The following NDUFS1 variants were observed in gnomAD, a reference collection of about 807,000 sequenced individuals.
NDUFS1 encodes the protein NADH:ubiquinone oxidoreductase core subunit S1.
Under a neutral mutation model 84.4 loss-of-function variants are expected in NDUFS1, and 61 were observed. The observed-to-expected ratio is 0.72, with a 90% CI of 0.59 to 0.89. The LOEUF (loss-of-function observed/expected upper bound fraction) is 0.89. Ranked by LOEUF, NDUFS1 falls within the 40% of genes least tolerant of loss-of-function variation. NDUFS1 has a pLI of 0.00. For missense variants in NDUFS1, 891 were observed against 890.0 expected (o/e 1.00, Z -0.01); for synonymous variants, 275 against 290.0 (o/e 0.95, Z 0.53).
At chr2:206,125,539 A>G in intron 18 of NDUFS1, among the ~76,000 whole-genome samples, 1 of 152,030 alleles carries the variant, frequency 6.6e-6, no homozygotes, top group African/African-American at 2.4e-5. Context: ...ATAGTTAATT[A>G]ATATAATATA....
At position 206,149,931 on chromosome 2, in the gene NDUFS1, A is replaced by G; in HGVS notation, c.154-6T>C. 2.0e-6 allele frequency: 2 copies of G among 1,006,196 alleles called. No homozygotes were observed. Among genetic ancestry groups the G allele is most frequent in the Non-Finnish European group, 2.9e-6 (2 of 686,000 alleles). The allele number at this position is 1,006,196 out of a possible 1,614,324, so 62.3% of individuals were successfully genotyped here. A position where few individuals can be genotyped will look rare whatever the true frequency, so the allele number is the denominator to read the frequency against. ...ATGCCAACCTTCTCACAAGCCTAGA[A>G]GTAAAAAAAAAAAAAAAAAAAAAAA... On this transcript the variant is annotated splice_region_variant and splice_polypyrimidine_tract_variant and intron_variant, in intron 3 of 18. Coordinates refer to ENST00000233190, the MANE Select transcript of NDUFS1 (RefSeq NM_005006.7).
In NDUFS1 at chr2:206,127,956, A is replaced by G; in HGVS notation, c.1725T>C (p.Val575=). The part of the protein sequence containing the change: ...FIIYQGHHGD[V]GAPIADVILP... ...GAATAACATCAGCTATGGGAGCCCC[A>G]ACATCACCATGATGTCCTGCACAAA... The change falls in exon 16 of 19, where the codon GTT becomes GTC. Residue 575 remains valine, a synonymous_variant. Transcript: ENST00000233190. The G allele has an allele frequency of 6.2e-7, 1 of 1,614,148 alleles. No individual in the cohort carries two copies. The highest frequency in any genetic ancestry group is 8.5e-7 in the Non-Finnish European group (1 of 1,180,010).
chr2:206,151,739 T>C (rs1458833920), intron 3 of NDUFS1, among the ~76,000 whole-genome samples: 2 of 152,252 alleles, frequency 1.3e-5, no homozygotes, highest in African/African-American at 2.4e-5. Flanking sequence ...TTGTAGGATA[T>C]ATTCCTATGA....
At chr2:206,154,196 T>TG (rs1172218389) in intron 1 of NDUFS1, among the ~76,000 whole-genome samples, 3 of 152,268 alleles carry the variant, frequency 2.0e-5, no homozygotes, top group African/African-American at 7.2e-5. Context: ...CTGGTACACT[T>TG]ATCTTACAGA....
intron 14 of NDUFS1, among the ~76,000 whole-genome samples, 171 bp downstream of exon 14, chr2:206,132,774 T>TTA (rs1691562007): frequency 6.6e-6 from 1 of 152,218 alleles, no homozygotes. Context: ...TAAATATTCC[T>TTA]TATCATCTCG....
intron 18 of NDUFS1, among the ~76,000 whole-genome samples, chr2:206,124,938 T>C (rs1203568816): frequency 6.6e-6 from 1 of 152,144 alleles, no homozygotes; most frequent in Non-Finnish European, 1.5e-5. Context: ...CATTGAATTG[T>C]CCACTTCATG....
rs367723817 is a variant in NDUFS1, at chr2:206,140,943, T to TATATATATATATACACACACACAC, written c.1262+997_1262+998insGTGTGTGTGTGTATATATATATAT. On this transcript the variant is annotated intron_variant, in intron 12 of 18. Coordinates refer to ENST00000233190, the MANE Select transcript of NDUFS1 (RefSeq NM_005006.7). The stretch of plus-strand genomic sequence containing the variant: ...GTGTGTATATATATATATATATATA[T>TATATATATATATACACACACACAC]ACACACACACTGAGAATCATAATAC... Among the ~76,000 whole-genome samples the TATATATATATATACACACACACAC allele has an allele frequency of 3.0e-4, 41 of 136,136 alleles. 1 individual carries two copies. The highest frequency in any genetic ancestry group is 7.0e-4 in the Admixed American group (9 of 12,942). The allele number at this position is 136,136 out of a possible 152,430, so 89.3% of individuals were successfully genotyped here. A position where few individuals can be genotyped will look rare whatever the true frequency, so the allele number is the denominator to read the frequency against.
At chr2:206,158,423 T>C (rs899907616) in intron 1 of NDUFS1, among the ~76,000 whole-genome samples, 12 of 152,326 alleles carry the variant, frequency 7.9e-5, no homozygotes, top group Non-Finnish European at 1.0e-4. Context: ...GACCAGGCTA[T>C]CTAACATTTA....
intron 13 of NDUFS1, among the ~76,000 whole-genome samples, chr2:206,137,623 G>A (rs908692570): frequency 6.6e-6 from 1 of 152,142 alleles, no homozygotes. Flanking sequence ...TTCACATCCT[G>A]ACAAGCTGTC....
chr2:206,142,755 T>C lies in NDUFS1; in HGVS notation c.1064A>G (p.Lys355Arg), dbSNP rs1476070337. ...AGAGTCCACTCTATTAAGCAAATCTTTGAGAGCTACCAGGGCTTCAGCATC... is the reference window on the plus strand; with the variant it reads ...AGAGTCCACTCTATTAAGCAAATCTCTGAGAGCTACCAGGGCTTCAGCATC... Reference protein sequence around the residue: ...LVDAEALVALKDLLNRVDSDT... With the variant: ...LVDAEALVALRDLLNRVDSDT... Residue 355 changes from lysine (K) to arginine (R), a missense_variant, in exon 11 of 19, where the codon AAA (lysine) becomes AGA (arginine). Physicochemically the swap from Lys to Arg is conservative, Grantham distance 26. Coordinates refer to ENST00000233190, the MANE Select transcript of NDUFS1 (RefSeq NM_005006.7). 2 of 1,614,192 alleles carry C rather than the reference T, an allele frequency of 1.2e-6. No homozygotes were observed. Among genetic ancestry groups the C allele is most frequent in the Admixed American group, 3.3e-5 (2 of 60,012 alleles).
Position 206,142,078 on chromosome 2 carries a change from A to G in NDUFS1, c.1134-9T>C. ...TGGAACGCAAATCTGTGCTAGAAAT[A>G]CAATATATAAAATGCAAATTTACTT... is the stretch of plus-strand genomic sequence containing the variant. On this transcript the variant is annotated splice_polypyrimidine_tract_variant and intron_variant, in intron 11 of 18. Transcript: ENST00000233190. 10 of 1,579,118 alleles carry G rather than the reference A, an allele frequency of 6.3e-6. No homozygotes were observed. The highest frequency in any genetic ancestry group is 8.7e-6 in the Non-Finnish European group (10 of 1,148,408).
rs1307087036 is a variant in NDUFS1 at position 206,126,523 on chromosome 2, G to T, written c.2092+16C>A. Reference sequence around the variant, plus strand: ...TACCTTTCGTATTTGGCAGAGTCATGTTGACAATTACATACCTGTCATGTA... The same window carrying T: ...TACCTTTCGTATTTGGCAGAGTCATTTTGACAATTACATACCTGTCATGTA... On this transcript the variant is annotated intron_variant, in intron 18 of 18. Coordinates refer to ENST00000233190, the MANE Select transcript of NDUFS1 (RefSeq NM_005006.7). 1.2e-6 allele frequency: 2 copies of T among 1,612,214 alleles called. No individual in the cohort carries two copies. Among genetic ancestry groups the T allele is most frequent in the African/African-American group, 2.7e-5 (2 of 74,902 alleles).
chr2:206,125,032 G>C (rs183935620), intron 18 of NDUFS1, among the ~76,000 whole-genome samples: 1 of 150,580 alleles, frequency 6.6e-6, no homozygotes, highest in Non-Finnish European at 1.5e-5. Context: ...TTTTTAAAGA[G>C]ACCAGATCTG....
intron 7 of NDUFS1, 128 bp from the exon 8 acceptor site, chr2:206,147,216 A>T (rs935761101): frequency 3.2e-6 from 3 of 949,950 alleles, no homozygotes; most frequent in Non-Finnish European, 5.0e-6. Flanking sequence ...AGGTGAGCAC[A>T]GTCCTAGAAT....
chr2:206,144,953 T>C lies in NDUFS1; in HGVS notation c.811A>G (p.Met271Val). Residue 271 changes from methionine to valine, a missense_variant, in exon 9 of 19, where the codon ATG (methionine) becomes GTG (valine). Transcript: ENST00000233190. ...IVVSTRTGEV[M>V]RILPRMHEDI... ...TCATGCATACGTGGCAAAATCCTCA[T>C]CACTTCTCCAGTTCTTGTGCTAACC... 6.2e-7 allele frequency: 1 copy of C among 1,614,096 alleles called. No homozygotes were observed. Among genetic ancestry groups the C allele is most frequent in the South Asian group, 1.1e-5 (1 of 91,080 alleles).
At chr2:206,143,487 C>T (rs1296607024) in intron 10 of NDUFS1, among the ~76,000 whole-genome samples, 7 of 152,136 alleles carry the variant, frequency 4.6e-5, no homozygotes, top group Non-Finnish European at 7.3e-5. Context: ...TTTATGTTGT[C>T]TTTCTCTAAC....
At chr2:206,136,865 C>T (rs940461770) in intron 13 of NDUFS1, among the ~76,000 whole-genome samples, 1 of 151,998 alleles carries the variant, frequency 6.6e-6, no homozygotes, top group Non-Finnish European at 1.5e-5. Flanking sequence ...AAGCGATTCT[C>T]CTGCCTCAGC....
At position 206,127,720 on chromosome 2, in the gene NDUFS1, T is replaced by C. The variant is rs1383718210; in HGVS notation, c.1884+77A>G. 6 of 1,495,698 alleles carry C rather than the reference T, an allele frequency of 4.0e-6. No individual in the cohort carries two copies. The African/African-American group carries it at 5.5e-5, about 14-fold the overall frequency. The allele number at this position is 1,495,698 out of a possible 1,614,324, so 92.7% of individuals were successfully genotyped here. A position where few individuals can be genotyped will look rare whatever the true frequency, so the allele number is the denominator to read the frequency against. Reference sequence around the variant, plus strand: ...TTTCAGACTGGCATCTTCCTTGACTTTGAAAATCATTCTAACAGGCTAAAA... The same window carrying C: ...TTTCAGACTGGCATCTTCCTTGACTCTGAAAATCATTCTAACAGGCTAAAA... On this transcript the variant is annotated intron_variant, in intron 16 of 18. Transcript: ENST00000233190.
chr2:206,130,626 A>T (rs1350846524), intron 14 of NDUFS1, among the ~76,000 whole-genome samples: 1 of 152,182 alleles, frequency 6.6e-6, no homozygotes. Context: ...AAGTGCTGGG[A>T]TTACGGGTGT....
Sources: gnomAD v4.1 joint callset for allele counts (sites outside exome capture counted in the v4.1 genomes callset) on GRCh38, gnomAD v4.1.1 for gene constraint, MANE v1.5 for transcripts, NCBI Gene and HGNC (gene_info 2026-07-23, HGNC 2026-07-21) for gene names.